Variants in CPB2 observed in about 807,000 individuals in gnomAD.
CPB2 encodes carboxypeptidase B-like protein.
CPB2 carries 54 observed loss-of-function variants against 57.0 expected under a neutral mutation model. The ratio of observed to expected loss-of-function variants is 0.95; its 90% CI spans 0.76 to 1.19. CPB2 has a LOEUF of 1.19. Among genes scored for constraint, CPB2 ranks in the 50% most tolerant of loss-of-function variants. The pLI is 0.00. For missense variants in CPB2, 426 were observed against 512.0 expected (o/e 0.83, Z 1.62); for synonymous variants, 189 against 178.1 (o/e 1.06, Z -0.49).
In CPB2 at chr13:46,076,550, C is replaced by T. The variant is rs182723462; in HGVS notation, c.486+2250G>A. On this transcript the variant is annotated intron_variant, in intron 5 of 10. Coordinates refer to ENST00000181383, the MANE Select transcript of CPB2 (RefSeq NM_001872.5). The stretch of plus-strand genomic sequence containing the variant: ...TAAGAATTAATATTGTTAAAATGTC[C>T]GTACTACCGAATGGAATCTACAGAT... 2.1e-3 allele frequency among the ~76,000 whole-genome samples: 327 copies of T among 152,130 alleles called. 3 individuals are homozygous for T. The highest frequency in any genetic ancestry group is 0.02 in the Admixed American group (309 of 15,288).
chr13:46,064,381 T>C (rs1238370785), intron 8 of CPB2, among the ~76,000 whole-genome samples: 1 of 152,244 alleles, frequency 6.6e-6, no homozygotes, highest in Non-Finnish European at 1.5e-5. Flanking sequence ...TAATAGATTT[T>C]AGAATTTTGA....
rs569264593 is a variant in CPB2 at position 46,082,640 on chromosome 13, GA to G, written c.276-92del. On this transcript the variant is annotated intron_variant, in intron 3 of 10. Transcript: ENST00000181383. ...TGCAGGCACAGCAGGTGAGCATGAA[GA>G]AAAAAAATCACTAAGAAACTTCATA... 4.4e-3 allele frequency: 3,072 copies of G among 702,338 alleles called. 13 individuals are homozygous for G. The highest frequency in any genetic ancestry group is 7.2e-3 in the Middle Eastern group (23 of 3,208). 43.5% of individuals were successfully genotyped at this position (702,338 alleles called of 1,614,324 possible).
chr13:46,074,915 T>C (rs1409098296), intron 5 of CPB2, among the ~76,000 whole-genome samples: 1 of 152,198 alleles, frequency 6.6e-6, no homozygotes, highest in Non-Finnish European at 1.5e-5. Flanking sequence ...AATCTAACGC[T>C]GCCACTGATC....
chr13:46,077,890 T>C (rs1593899892), intron 5 of CPB2, among the ~76,000 whole-genome samples: 1 of 151,754 alleles, frequency 6.6e-6, no homozygotes. Context: ...AAAACGTTGA[T>C]CTCATAGAGG....
intron 6 of CPB2, among the ~76,000 whole-genome samples, chr13:46,068,188 AT>A (rs2044884255): frequency 6.6e-6 from 1 of 152,224 alleles, no homozygotes; most frequent in Admixed American, 6.5e-5. Flanking sequence ...CTATATTTTA[AT>A]TTAATTCACA....
At chr13:46,053,892 T>C in intron 10 of CPB2, 94 bp from the exon 11 acceptor site, 1 of 1,248,002 alleles carries the variant, frequency 8.0e-7, no homozygotes, top group Non-Finnish European at 1.1e-6. Context: ...TTTGTTTGTA[T>C]ACCTTTAGAT....
intron 6 of CPB2, among the ~76,000 whole-genome samples, chr13:46,068,116 G>C (rs1164606581): frequency 6.6e-6 from 1 of 152,082 alleles, no homozygotes; most frequent in South Asian, 2.1e-4. Context: ...AATTTTAGCT[G>C]GTCAAATCGT....
intron 4 of CPB2, among the ~76,000 whole-genome samples, chr13:46,079,450 G>T (rs1041066613): frequency 4.2e-5 from 6 of 143,514 alleles, no homozygotes; most frequent in African/African-American, 1.5e-4. Flanking sequence ...ATCCCCCCAA[G>T]AAGTAGTTCG....
intron 3 of CPB2, among the ~76,000 whole-genome samples, chr13:46,083,358 T>G (rs990444454): frequency 1.3e-5 from 2 of 152,190 alleles, no homozygotes; most frequent in South Asian, 2.1e-4. Flanking sequence ...AAATAAAGAT[T>G]AATAGACACA....
At position 46,055,815 on chromosome 13, in the gene CPB2, T is replaced by A; in HGVS notation, c.1034A>T (p.Glu345Val). 6.2e-7 allele frequency: 1 copy of A among 1,602,270 alleles called. No homozygotes were observed. The highest frequency in any genetic ancestry group is 8.5e-7 in the Non-Finnish European group (1 of 1,172,108). Residue 345 changes from glutamate to valine, a missense_variant, in exon 10 of 11, where the codon GAG (glutamate) becomes GTG (valine). By Grantham distance (121) the Glu-to-Val change is moderately radical (BLOSUM62 -2). Transcript: ENST00000181383. The stretch of plus-strand genomic sequence containing the variant: ...ATACCTGGTATTTTTACTAATTTTC[T>A]CAATAGCACGAACTGCTTCACTGGC... ...LVASEAVRAI[E>V]KISKNTRYTH...
At chr13:46,075,650 G>A (rs558591320) in intron 5 of CPB2, among the ~76,000 whole-genome samples, 19 of 152,266 alleles carry the variant, frequency 1.2e-4, no homozygotes, top group African/African-American at 1.2e-4. Flanking sequence ...TCTTGTAAAC[G>A]ACAGATTAAA....
intron 6 of CPB2, among the ~76,000 whole-genome samples, chr13:46,072,289 A>G (rs1238819971): frequency 6.6e-6 from 1 of 152,206 alleles, no homozygotes; most frequent in East Asian, 1.9e-4. Flanking sequence ...TGGGTGGTTT[A>G]GTTTTTGAAT....
At chr13:46,056,325 T>C (rs1213043928) in intron 9 of CPB2, among the ~76,000 whole-genome samples, 1 of 152,188 alleles carries the variant, frequency 6.6e-6, no homozygotes. Flanking sequence ...AAATGTCTAA[T>C]GACTTCCATA....
intron 1 of CPB2, among the ~76,000 whole-genome samples, chr13:46,090,243 A>G (rs1375570063): frequency 6.6e-6 from 1 of 152,104 alleles, no homozygotes; most frequent in African/African-American, 2.4e-5. Flanking sequence ...CATGAAAAAA[A>G]TGAAATTTTC....
In CPB2 at chr13:46,064,811, G is replaced by T. The variant is rs1031693096; in HGVS notation, c.703-70C>A. On this transcript the variant is annotated intron_variant, in intron 7 of 10. Coordinates refer to ENST00000181383, the MANE Select transcript of CPB2 (RefSeq NM_001872.5). ...AAGGCCTGAGGAAAGACATGCATTTGAAAGTCCATGAAGCCAGAATTGCCT... is the reference window on the plus strand; with the variant it reads ...AAGGCCTGAGGAAAGACATGCATTTTAAAGTCCATGAAGCCAGAATTGCCT... The T allele has an allele frequency of 1.3e-5, 16 of 1,206,202 alleles. No homozygotes were observed. In the African/African-American group the frequency reaches 2.1e-4, roughly 16 times the overall value. The allele number at this position is 1,206,202 out of a possible 1,614,324, so 74.7% of individuals were successfully genotyped here.
Position 46,053,627 on chromosome 13 carries a change from A to G in CPB2, c.1259T>C (p.Ile420Thr). Reference protein sequence around the residue: ...AAVSKIAWHVIRNV With the variant: ...AAVSKIAWHVTRNV ...AAATCAGGGGCATTAAACATTCCTA[A>G]TGACATGCCAAGCTATTTTAGAGAC... Residue 420 changes from isoleucine (I) to threonine (T), a missense_variant, in exon 11 of 11, where the codon ATT (isoleucine) becomes ACT (threonine). Ile to Thr is a moderately conservative substitution (Grantham distance 89). Transcript: ENST00000181383. The G allele has an allele frequency of 6.2e-7, 1 of 1,614,006 alleles. No homozygotes were observed. Among genetic ancestry groups the G allele is most frequent in the Non-Finnish European group, 8.5e-7 (1 of 1,179,918 alleles).
At chr13:46,080,804 C>T (rs1322006511) in intron 4 of CPB2, among the ~76,000 whole-genome samples, 2 of 151,988 alleles carry the variant, frequency 1.3e-5, no homozygotes, top group Non-Finnish European at 2.9e-5. Context: ...AATCCCATCT[C>T]TACTAAAAAT....
At chr13:46,065,689 G>A (rs143546660) in intron 7 of CPB2, among the ~76,000 whole-genome samples, 1 of 149,152 alleles carries the variant, frequency 6.7e-6, no homozygotes, top group Non-Finnish European at 1.5e-5. Flanking sequence ...AGTTTGGGAT[G>A]ATGTAGCACC....
intron 9 of CPB2, among the ~76,000 whole-genome samples, chr13:46,057,064 A>G (rs1166173408): frequency 2.0e-5 from 3 of 152,170 alleles, no homozygotes; most frequent in African/African-American, 7.2e-5. Context: ...CTTAAAGGGC[A>G]GGATTTTACC....
Sources: allele counts gnomAD v4.1 joint callset (sites outside exome capture counted in the v4.1 genomes callset), GRCh38; gene constraint gnomAD v4.1.1; transcripts MANE v1.5; gene names NCBI Gene and HGNC (gene_info 2026-07-23, HGNC 2026-07-21).